TMEM272: variants seen among roughly 807,000 people sequenced by gnomAD.
TMEM272 encodes transmembrane protein 272.
TMEM272 carries 8 observed loss-of-function variants against 3.7 expected under a neutral mutation model. The observed-to-expected ratio is 2.17, with a 90% CI of 1.27 to 3.91. The LOEUF (loss-of-function observed/expected upper bound fraction) is 3.91, where lower values mean the gene tolerates loss of function less well. TMEM272 is among the 30% of genes most tolerant of loss of function. The probability of loss-of-function intolerance (pLI) is 0.00; values close to 1 mark genes in which losing one functional copy is unlikely to be tolerated. For synonymous variants in TMEM272, 63 were observed against 39.8 expected (o/e 1.58, Z -2.20); for missense variants, 166 against 91.5 (o/e 1.81, Z -3.32).
chr13:51,855,838 G>A, the TMEM272 span, among the ~76,000 whole-genome samples: 1 of 152,080 alleles, frequency 6.6e-6, no homozygotes, highest in Non-Finnish European at 1.5e-5. Context: ...AAAAAGAGAA[G>A]AAAATAAGAC....
chr13:51,913,509 C>G, the TMEM272 span, among the ~76,000 whole-genome samples: 1 of 152,288 alleles, frequency 6.6e-6, no homozygotes, highest in South Asian at 2.1e-4. Context: ...TGAGCAGGCC[C>G]CTCAGTCCTC....
chr13:51,924,874 T>G, the TMEM272 span, among the ~76,000 whole-genome samples: 1 of 152,154 alleles, frequency 6.6e-6, no homozygotes, highest in African/African-American at 2.4e-5. Flanking sequence ...CCAGAAGATC[T>G]CTTCTCTGTA....
At chr13:51,900,186 TA>T in the TMEM272 span, among the ~76,000 whole-genome samples, 1 of 152,140 alleles carries the variant, frequency 6.6e-6, no homozygotes, top group African/African-American at 2.4e-5. Context: ...TTAAAGCACA[TA>T]ATCAAGAAAG....
At chr13:51,860,689 C>T in the TMEM272 span, among the ~76,000 whole-genome samples, 1 of 143,954 alleles carries the variant, frequency 6.9e-6, no homozygotes, top group African/African-American at 2.6e-5. Context: ...CTATGCCTTA[C>T]CAAAAAGAGA....
At position 51,817,044 on chromosome 13, in the gene TMEM272, C is replaced by G; in HGVS notation, c.271G>C (p.Asp91His). 1 of 702,968 alleles carries G rather than the reference C, an allele frequency of 1.4e-6. No homozygotes were observed. Among genetic ancestry groups the G allele is most frequent in the East Asian group, 2.7e-5 (1 of 37,286 alleles). 43.5% of individuals were successfully genotyped at this position (702,968 alleles called of 1,614,324 possible). ...LLSKAVVIDD[D>H]DDDEYPWRQN... ...CTCCAGGGGTATTCGTCATCGTCAT[C>G]GTCATCAATCACCACGGCCTTGGAC... The change falls in exon 5 of 5, where the codon GAT becomes CAT. Residue 91 changes from aspartate (D) to histidine (H), a missense_variant. Coordinates refer to ENST00000629372, the MANE Select transcript of TMEM272 (RefSeq NM_001351003.2).
the TMEM272 span, among the ~76,000 whole-genome samples, chr13:51,851,404 GAAGAAC>G: frequency 2.7e-5 from 4 of 146,294 alleles, no homozygotes; most frequent in African/African-American, 7.5e-5. Flanking sequence ...GGAGGAAGAA[GAAGAAC>G]AAGAAGAAGA....
At chr13:51,865,300 T>G in the TMEM272 span, 4 of 1,200,418 alleles carry the variant, frequency 3.3e-6, no homozygotes, top group East Asian at 4.7e-5. Context: ...CATGTGATAC[T>G]CATAGATCTG....
chr13:51,898,715 T>C, the TMEM272 span, among the ~76,000 whole-genome samples: 1 of 151,640 alleles, frequency 6.6e-6, no homozygotes, highest in East Asian at 1.9e-4. Flanking sequence ...TAGACTTATA[T>C]CTTTTTCCTG....
chr13:51,851,502 C>G, the TMEM272 span, among the ~76,000 whole-genome samples: 1 of 145,136 alleles, frequency 6.9e-6, no homozygotes, highest in Non-Finnish European at 1.5e-5. Context: ...CAAATCAGCA[C>G]GAAAAGACCT....
the TMEM272 span, among the ~76,000 whole-genome samples, chr13:51,928,572 T>A: frequency 6.6e-6 from 1 of 152,212 alleles, no homozygotes; most frequent in African/African-American, 2.4e-5. Context: ...GACCACTGCG[T>A]ACCTTGCACT....
the TMEM272 span, among the ~76,000 whole-genome samples, chr13:51,896,265 G>A: frequency 1.3e-5 from 2 of 152,202 alleles, no homozygotes; most frequent in Non-Finnish European, 2.9e-5. Flanking sequence ...GGACAGCTTG[G>A]TGAATATAAA....
the TMEM272 span, among the ~76,000 whole-genome samples, chr13:51,876,218 C>T: frequency 2.0e-5 from 3 of 152,338 alleles, no homozygotes; most frequent in East Asian, 1.9e-4. Context: ...ACAAACTCCC[C>T]GGACTCCACC....
the TMEM272 span, among the ~76,000 whole-genome samples, chr13:51,905,851 G>A: frequency 6.6e-6 from 1 of 152,226 alleles, no homozygotes; most frequent in Non-Finnish European, 1.5e-5. Context: ...ACTCAGCTGT[G>A]ATGCCGCCTT....
the TMEM272 span, among the ~76,000 whole-genome samples, chr13:51,869,679 G>A: frequency 2.1e-4 from 32 of 151,962 alleles, no homozygotes; most frequent in Admixed American, 2.6e-4. Context: ...TAGTAGAGAC[G>A]GGGTTTCGCC....
the TMEM272 span, among the ~76,000 whole-genome samples, chr13:51,898,135 T>C: frequency 5.3e-5 from 8 of 151,842 alleles, no homozygotes; most frequent in Non-Finnish European, 1.2e-4. Flanking sequence ...GGAGAATCGC[T>C]TGAACCTGGG....
chr13:51,886,926 C>T, the TMEM272 span, among the ~76,000 whole-genome samples: 2 of 152,190 alleles, frequency 1.3e-5, no homozygotes, highest in Admixed American at 6.5e-5. Context: ...TTAGCTGACT[C>T]CTCAAAACTA....
At chr13:51,862,834 T>A in the TMEM272 span, among the ~76,000 whole-genome samples, 1 of 152,218 alleles carries the variant, frequency 6.6e-6, no homozygotes, top group African/African-American at 2.4e-5. Context: ...GAAAATCAAA[T>A]TTCCAAAATG....
chr13:51,842,119 G>T (rs755411276), intron 1 of TMEM272, among the ~76,000 whole-genome samples: 14 of 152,194 alleles, frequency 9.2e-5, no homozygotes, highest in Non-Finnish European at 1.9e-4. Flanking sequence ...AAGATCAGCA[G>T]CATAAACACT....
At chr13:51,888,085 G>A in the TMEM272 span, among the ~76,000 whole-genome samples, 1 of 142,136 alleles carries the variant, frequency 7.0e-6, no homozygotes, top group Admixed American at 7.1e-5. Context: ...GCTCTTTGTT[G>A]CCCAGGCTGG....
Sources: allele counts gnomAD v4.1 joint callset (sites outside exome capture counted in the v4.1 genomes callset), GRCh38; gene constraint gnomAD v4.1.1; transcripts MANE v1.5; gene names NCBI Gene and HGNC (gene_info 2026-07-23, HGNC 2026-07-21).